Variants in MORN3 observed in about 807,000 individuals in gnomAD.
MORN3 encodes MORN repeat-containing protein 3.
Under a neutral mutation model 34.7 loss-of-function variants are expected in MORN3, and 38 were observed. That is an observed-to-expected ratio of 1.10 (90% confidence interval 0.85 to 1.44). MORN3 has a LOEUF of 1.44. Among genes scored for constraint, MORN3 ranks in the 40% most tolerant of loss-of-function variants. The pLI is 0.00. For synonymous variants in MORN3, 109 were observed against 115.3 expected, an observed-to-expected ratio of 0.95 and a Z score of 0.35; for missense variants, 311 against 321.7, an observed-to-expected ratio of 0.97 and a Z score of 0.25.
chr12:121,667,655 G>A (rs947608609), intron 1 of MORN3, among the ~76,000 whole-genome samples: 2 of 151,572 alleles, frequency 1.3e-5, no homozygotes, highest in Non-Finnish European at 2.9e-5. Flanking sequence ...GCTCCAGCTG[G>A]TCCTGCCACC....
rs563825150 is a variant in MORN3 at position 121,652,886 on chromosome 12, G to A, written c.649-78C>T. On this transcript the variant is annotated intron_variant, in intron 4 of 5. Coordinates refer to ENST00000355329, the MANE Select transcript of MORN3 (RefSeq NM_173855.5). ...CCAGCCTTGACTGGCGCTGCCTGCC[G>A]TGTGGGGTGCTGCCAGCCTCATCAG... is the stretch of plus-strand genomic sequence containing the variant. 2.1e-4 allele frequency: 316 copies of A among 1,525,230 alleles called. 2 individuals are homozygous for A. The highest frequency in any genetic ancestry group is 1.0e-3 in the African/African-American group (77 of 73,378). The allele number at this position is 1,525,230 out of a possible 1,614,324, so 94.5% of individuals were successfully genotyped here.
intron 2 of MORN3, among the ~76,000 whole-genome samples, chr12:121,657,949 T>C (rs1420484913): frequency 2.0e-5 from 3 of 151,490 alleles, no homozygotes; most frequent in Non-Finnish European, 4.4e-5. Context: ...TCTTTCTCTA[T>C]TGCAATTCCC....
In MORN3 at chr12:121,654,584, T is replaced by A. The variant is rs150309091; in HGVS notation, c.304-151A>T. On this transcript the variant is annotated intron_variant, in intron 2 of 5. Coordinates refer to ENST00000355329, the MANE Select transcript of MORN3 (RefSeq NM_173855.5). Reference sequence around the variant, plus strand: ...AGCGGAGGGTCGTGTCTTAGCGGAGTATCCTGTCTTTTTTGTTTGTTTGTT... The same window carrying A: ...AGCGGAGGGTCGTGTCTTAGCGGAGAATCCTGTCTTTTTTGTTTGTTTGTT... The A allele has an allele frequency of 1.3e-3, 1,090 of 818,134 alleles. 15 individuals are homozygous for A. In the East Asian group the frequency reaches 0.029, roughly 22 times the overall value. 50.7% of individuals were successfully genotyped at this position (818,134 alleles called of 1,614,324 possible).
chr12:121,672,168 A>G (rs1893986148), upstream of MORN3, among the ~76,000 whole-genome samples: 2 of 152,104 alleles, frequency 1.3e-5, no homozygotes, highest in African/African-American at 4.8e-5. Flanking sequence ...CTGAGTAACA[A>G]AGACCGGCCT....
intron 1 of MORN3, among the ~76,000 whole-genome samples, chr12:121,659,837 A>G (rs1405490277): frequency 2.0e-5 from 3 of 151,710 alleles, no homozygotes; most frequent in African/African-American, 2.4e-5. Flanking sequence ...GCCAGAGGTA[A>G]TTCTCTTATT....
upstream of MORN3, among the ~76,000 whole-genome samples, chr12:121,670,981 G>T (rs184685757): frequency 6.8e-4 from 97 of 142,898 alleles, no homozygotes; most frequent in East Asian, 0.016. Flanking sequence ...TGTGGTGGCG[G>T]GCGCCTGTAA....
intron 1 of MORN3, among the ~76,000 whole-genome samples, chr12:121,665,849 G>A (rs1364526143): frequency 1.3e-5 from 2 of 150,512 alleles, no homozygotes; most frequent in South Asian, 2.1e-4. Flanking sequence ...GGGTCCAGAC[G>A]ACCCAACAGA....
At chr12:121,672,259 G>C (rs1400113850), upstream of MORN3, among the ~76,000 whole-genome samples, 1 of 150,772 alleles carries the variant, frequency 6.6e-6, no homozygotes, top group Non-Finnish European at 1.5e-5. Flanking sequence ...GAGAGTTGGA[G>C]ACCAGCCTGG....
At chr12:121,662,335 C>T (rs927369972) in intron 1 of MORN3, among the ~76,000 whole-genome samples, 3 of 151,958 alleles carry the variant, frequency 2.0e-5, no homozygotes, top group East Asian at 1.9e-4. Flanking sequence ...GGTGTGGTGG[C>T]GCATGCCTAT....
chr12:121,663,643 A>C (rs1158995283), intron 1 of MORN3, among the ~76,000 whole-genome samples: 1 of 152,214 alleles, frequency 6.6e-6, no homozygotes, highest in Non-Finnish European at 1.5e-5. Flanking sequence ...TTCTGAAAAG[A>C]AAAACAGTAT....
rs1555325280 is a variant in MORN3 at position 121,653,144 on chromosome 12, G to A, written c.579C>T (p.Ala193=). 2 of 1,614,172 alleles carry A rather than the reference G, an allele frequency of 1.2e-6. No individual in the cohort carries two copies. The highest frequency in any genetic ancestry group is 1.7e-6 in the Non-Finnish European group (2 of 1,180,040). The part of the protein sequence containing the change: ...LFEGFWVDNM[A]KCGTMIDFGR... ...CAAAGTCGATCATCGTCCCGCATTTGGCCATATTGTCCACCCAGAAGCCTT... is the reference window on the plus strand; with the variant it reads ...CAAAGTCGATCATCGTCCCGCATTTAGCCATATTGTCCACCCAGAAGCCTT... Residue 193 remains alanine, a synonymous_variant, in exon 4 of 6, where the codon GCC becomes GCT. Transcript: ENST00000355329.
Position 121,654,259 on chromosome 12 carries a change from G to C in MORN3, c.463+15C>G. 6.5e-7 allele frequency: 1 copy of C among 1,538,908 alleles called. No individual in the cohort carries two copies. ...GTGGTCGGGTGGGCGGGGCCGGCGGGGGTGGGGCACTCACTCAGGCGCAGC... is the reference window on the plus strand; with the variant it reads ...GTGGTCGGGTGGGCGGGGCCGGCGGCGGTGGGGCACTCACTCAGGCGCAGC... On this transcript the variant is annotated intron_variant, in intron 3 of 5. Coordinates refer to ENST00000355329, the MANE Select transcript of MORN3 (RefSeq NM_173855.5).
At chr12:121,665,628 G>A (rs1893729802) in intron 1 of MORN3, among the ~76,000 whole-genome samples, 1 of 151,226 alleles carries the variant, frequency 6.6e-6, no homozygotes, top group Non-Finnish European at 1.5e-5. Flanking sequence ...AGCTGGGCTT[G>A]GTGGCGTGCA....
At chr12:121,664,140 T>A (rs1271567819) in intron 1 of MORN3, among the ~76,000 whole-genome samples, 3 of 152,096 alleles carry the variant, frequency 2.0e-5, no homozygotes, top group Middle Eastern at 6.3e-3. Context: ...AAGAAGGAAC[T>A]CAACGCAGAG....
At chr12:121,663,831 T>C (rs1893659756) in intron 1 of MORN3, among the ~76,000 whole-genome samples, 1 of 152,062 alleles carries the variant, frequency 6.6e-6, no homozygotes, top group African/African-American at 2.4e-5. Flanking sequence ...GGGGAGCCCA[T>C]GGTCTGGTAG....
chr12:121,653,990 A>G (rs191414025), intron 3 of MORN3, among the ~76,000 whole-genome samples: 104 of 151,878 alleles, frequency 6.8e-4, no homozygotes, highest in African/African-American at 2.4e-3. Context: ...CACACCCACT[A>G]ATGTCACCAC....
At position 121,669,524 on chromosome 12, in the gene MORN3, T is replaced by C. The variant is rs1469902997; in HGVS notation, c.-41A>G. 7 of 1,609,294 alleles carry C rather than the reference T, an allele frequency of 4.3e-6. No individual in the cohort carries two copies. Among genetic ancestry groups the C allele is most frequent in the Middle Eastern group, 1.6e-4 (1 of 6,062 alleles). On this transcript the variant is annotated 5_prime_UTR_variant, in exon 1 of 6. Transcript: ENST00000355329. The stretch of plus-strand genomic sequence containing the variant: ...AAGGCTGGAGGGTGCTGGAAAGGGG[T>C]TAGGGACATCTGGGGCTCAGCGCGC...
Position 121,659,167 on chromosome 12 carries a change from A to C in MORN3, c.303+24T>G, listed in dbSNP as rs1384652056. On this transcript the variant is annotated intron_variant, in intron 2 of 5. Transcript: ENST00000355329. ...CACACACACACACACACACACACAC[A>C]CCCCGGCTGGCAGGCCTGCTCACCG... 56 of 1,554,054 alleles carry C rather than the reference A, an allele frequency of 3.6e-5. No individual in the cohort carries two copies. The highest frequency in any genetic ancestry group is 9.0e-5 in the South Asian group (8 of 88,610).
chr12:121,654,483 G>C (rs374038398), intron 2 of MORN3, 50 bp from the exon 3 acceptor site: 5 of 1,512,548 alleles, frequency 3.3e-6, no homozygotes, highest in Non-Finnish European at 4.5e-6. Context: ...ACACCACCAG[G>C]AAAGCCCACC....
Sources: gnomAD v4.1 joint callset for allele counts (sites outside exome capture counted in the v4.1 genomes callset) on GRCh38, gnomAD v4.1.1 for gene constraint, MANE v1.5 for transcripts, NCBI Gene and HGNC (gene_info 2026-07-23, HGNC 2026-07-21) for gene names.